Variants in WWOX observed in about 807,000 individuals in gnomAD.
The protein encoded by WWOX is WW domain containing oxidoreductase.
Under a neutral mutation model 46.2 loss-of-function variants are expected in WWOX, and 69 were observed. That is an observed-to-expected ratio of 1.49 (90% CI 1.23 to 1.82). The LOEUF is 1.82. Among genes scored for constraint, WWOX ranks in the 40% most tolerant of loss-of-function variants. The pLI, the probability that WWOX is intolerant of heterozygous loss-of-function variation, is 0.00. For missense variants in WWOX, 919 were observed against 542.6 expected (o/e 1.69, Z -6.89); for synonymous variants, 359 against 202.6 (o/e 1.77, Z -6.56).
chr16:78,915,198 C>G (rs371751148), intron 8 of WWOX, among the ~76,000 whole-genome samples: 1 of 152,120 alleles, frequency 6.6e-6, no homozygotes, highest in African/African-American at 2.4e-5. Flanking sequence ...ACCACTCACC[C>G]CAAATCAGAT....
intron 8 of WWOX, among the ~76,000 whole-genome samples, chr16:79,023,805 A>AT: frequency 6.6e-6 from 1 of 150,760 alleles, no homozygotes; most frequent in Middle Eastern, 3.4e-3. Flanking sequence ...AAAAAAAAAA[A>AT]ATTAGCCAGA....
chr16:78,489,893 C>T (rs536271089), intron 8 of WWOX, among the ~76,000 whole-genome samples: 2 of 152,224 alleles, frequency 1.3e-5, no homozygotes, highest in South Asian at 4.2e-4. Context: ...AGGGGTCTGA[C>T]AGATAGCCGG....
At chr16:78,700,312 C>CAGAG (rs55638553) in intron 8 of WWOX, among the ~76,000 whole-genome samples, 1,724 of 130,478 alleles carry the variant, frequency 0.013, 23 homozygotes, top group East Asian at 0.031. Context: ...ACTTAGTAGA[C>CAGAG]AGAGAGAGAG....
At chr16:79,030,550 C>T (rs2047732502) in intron 8 of WWOX, among the ~76,000 whole-genome samples, 1 of 152,194 alleles carries the variant, frequency 6.6e-6, no homozygotes, top group African/African-American at 2.4e-5. Context: ...TAACAGCTTG[C>T]TGTACCGACT....
At chr16:78,468,089 G>C (rs539410779) in intron 8 of WWOX, among the ~76,000 whole-genome samples, 2 of 152,176 alleles carry the variant, frequency 1.3e-5, no homozygotes, top group Admixed American at 6.5e-5. Context: ...TTTTCTAAGT[G>C]TCCTCATTGC....
intron 8 of WWOX, chr16:79,078,298 C>G (rs1393219226): frequency 2.6e-5 from 4 of 152,200 alleles, no homozygotes; most frequent in African/African-American, 9.7e-5. Flanking sequence ...CATAGGTTGA[C>G]AAATTCCCCT....
chr16:78,160,486 T>C (rs1318474837), intron 4 of WWOX, among the ~76,000 whole-genome samples: 1 of 152,222 alleles, frequency 6.6e-6, no homozygotes, highest in Non-Finnish European at 1.5e-5. Context: ...TTAGCTATAC[T>C]CCTTAAGTTT....
intron 8 of WWOX, among the ~76,000 whole-genome samples, chr16:78,861,692 T>C (rs1201912928): frequency 1.3e-5 from 2 of 152,218 alleles, no homozygotes; most frequent in African/African-American, 4.8e-5. Flanking sequence ...ATATTATAAA[T>C]GTCATCTTTC....
chr16:78,811,980 C>G (rs1358102470), intron 8 of WWOX, among the ~76,000 whole-genome samples: 1 of 147,454 alleles, frequency 6.8e-6, no homozygotes, highest in Non-Finnish European at 1.5e-5. Flanking sequence ...GTAATAATTA[C>G]TTGATAAACT....
At chr16:78,585,633 C>T (rs1464749374) in intron 8 of WWOX, among the ~76,000 whole-genome samples, 1 of 152,032 alleles carries the variant, frequency 6.6e-6, no homozygotes, top group African/African-American at 2.4e-5. Context: ...GCAGCACAAT[C>T]CGTTTGTTGT....
At chr16:78,778,127 G>T (rs889809749) in intron 8 of WWOX, among the ~76,000 whole-genome samples, 1 of 151,402 alleles carries the variant, frequency 6.6e-6, no homozygotes, top group Non-Finnish European at 1.5e-5. Flanking sequence ...GAAGTCTGAA[G>T]TTCAAACTGG....
chr16:78,844,239 G>C (rs1260864438), intron 8 of WWOX, among the ~76,000 whole-genome samples: 1 of 152,152 alleles, frequency 6.6e-6, no homozygotes, highest in South Asian at 2.1e-4. Flanking sequence ...CTTAGCCCAA[G>C]AGAGGCCCTC....
At chr16:78,448,879 A>G (rs1191623141) in intron 8 of WWOX, among the ~76,000 whole-genome samples, 2 of 152,114 alleles carry the variant, frequency 1.3e-5, no homozygotes, top group Non-Finnish European at 1.5e-5. Flanking sequence ...GCTGTTTAGC[A>G]TGGAAATAGG....
intron 5 of WWOX, among the ~76,000 whole-genome samples, chr16:78,267,862 C>G (rs980346944): frequency 6.6e-6 from 1 of 152,210 alleles, no homozygotes; most frequent in African/African-American, 2.4e-5. Flanking sequence ...TCTTCAGCCT[C>G]CCAGGAGTGC....
chr16:78,675,839 A>G (rs932673696), intron 8 of WWOX, among the ~76,000 whole-genome samples: 53 of 151,908 alleles, frequency 3.5e-4, no homozygotes, highest in Admixed American at 1.3e-4. Flanking sequence ...AAATATATAT[A>G]TTTTTTTAAA....
intron 8 of WWOX, among the ~76,000 whole-genome samples, chr16:79,182,071 C>T (rs1359431618): frequency 6.6e-6 from 1 of 151,518 alleles, no homozygotes; most frequent in Non-Finnish European, 1.5e-5. Context: ...TTCCAACATC[C>T]CCACCCTACC....
At chr16:78,697,457 G>A (rs1183059960) in intron 8 of WWOX, among the ~76,000 whole-genome samples, 1 of 152,196 alleles carries the variant, frequency 6.6e-6, no homozygotes, top group African/African-American at 2.4e-5. Flanking sequence ...AGTCAGCAGA[G>A]TAAACAGACA....
chr16:78,535,201 G>A (rs923510242), intron 8 of WWOX: 1 of 152,208 alleles, frequency 6.6e-6, no homozygotes, highest in Admixed American at 6.5e-5. Context: ...ATGGACACAG[G>A]ATCTGCTCAG....
chr16:78,768,860 G>A (rs541754367), intron 8 of WWOX, among the ~76,000 whole-genome samples: 12 of 152,240 alleles, frequency 7.9e-5, no homozygotes, highest in Non-Finnish European at 1.8e-4. Flanking sequence ...AAAGAGAAAG[G>A]AGAGCATGAC....
Sources: gnomAD v4.1 joint callset for allele counts (sites outside exome capture counted in the v4.1 genomes callset) on GRCh38, gnomAD v4.1.1 for gene constraint, MANE v1.5 for transcripts, NCBI Gene and HGNC (gene_info 2026-07-23, HGNC 2026-07-21) for gene names.